Variants in SDF2 observed in about 807,000 individuals in gnomAD.
SDF2 encodes stromal cell derived factor 2, also known as stromal cell-derived factor 2.
In SDF2, 12 loss-of-function variants were observed where a neutral mutation model predicts 20.5. The ratio of observed to expected loss-of-function variants is 0.58; its 90% confidence interval spans 0.37 to 0.95. The LOEUF is 0.95. Among genes scored for constraint, SDF2 ranks in the 40% least tolerant of loss-of-function variants. SDF2 has a pLI of 0.01. For synonymous variants in SDF2, 100 were observed against 101.0 expected, an observed-to-expected ratio of 0.99 and a Z score of 0.06; for missense variants, 238 against 263.1, an observed-to-expected ratio of 0.90 and a Z score of 0.66.
intron 2 of SDF2, among the ~76,000 whole-genome samples, chr17:28,650,803 CAAAAAAAAAAAAAAAA>C (rs57928087): frequency 5.2e-5 from 1 of 19,074 alleles, no homozygotes; most frequent in Admixed American, 6.0e-4. Flanking sequence ...GACTTTGTCT[CAAAAAAAAAAAAAAAA>C]AAAAAAAAAA....
Position 28,648,776 on chromosome 17 carries a change from C to A in SDF2, c.*213G>T. On this transcript the variant is annotated 3_prime_UTR_variant, in exon 3 of 3. Transcript: ENST00000247020. ...CCCCTTTACCAGCAAGTCCTCTACT[C>A]AGAAAGAACTGACCCACGCAAGTCT... 3 of 593,754 alleles carry A rather than the reference C, an allele frequency of 5.1e-6. No individual in the cohort carries two copies. Among genetic ancestry groups the A allele is most frequent in the Middle Eastern group, 4.5e-4 (1 of 2,228 alleles). The allele number at this position is 593,754 out of a possible 1,614,324, so 36.8% of individuals were successfully genotyped here.
rs1337253060 is a variant in SDF2, at chr17:28,649,117, T to C, written c.508A>G (p.Ile170Val). 1.2e-6 allele frequency: 2 copies of C among 1,614,230 alleles called. No homozygotes were observed. Among genetic ancestry groups the C allele is most frequent in the Non-Finnish European group, 8.5e-7 (1 of 1,180,040 alleles). ...SVTGEQYGRP[I>V]SGQKEVHGMA... ...CCATGCACCTCTTTTTGCCCACTGA[T>C]AGGTCGACCATATTGTTCTCCTGTG... The change falls in exon 3 of 3, where the codon ATC becomes GTC. Residue 170 changes from isoleucine (I) to valine (V), a missense_variant. Coordinates refer to ENST00000247020, the MANE Select transcript of SDF2 (RefSeq NM_006923.4).
chr17:28,653,141 G>A (rs1160576579), intron 2 of SDF2, among the ~76,000 whole-genome samples: 1 of 152,132 alleles, frequency 6.6e-6, no homozygotes, highest in Non-Finnish European at 1.5e-5. Flanking sequence ...TCCAAAAAGT[G>A]CATGGAAAGG....
chr17:28,661,558 G>A (rs1304070803), intron 1 of SDF2, among the ~76,000 whole-genome samples, 168 bp downstream of exon 1: 1 of 152,150 alleles, frequency 6.6e-6, no homozygotes, highest in Non-Finnish European at 1.5e-5. Flanking sequence ...GTGGTGTTGC[G>A]ATTAAGATGC....
At chr17:28,661,931 A>G (rs1030019717), upstream of SDF2, 62 of 1,573,656 alleles carry the variant, frequency 3.9e-5, no homozygotes, top group Non-Finnish European at 5.3e-5. Context: ...CCCTCCCCGG[A>G]ACCGGAAGCT....
intron 2 of SDF2, among the ~76,000 whole-genome samples, chr17:28,650,474 T>C (rs1297573020): frequency 6.6e-6 from 1 of 151,416 alleles, no homozygotes; most frequent in Non-Finnish European, 1.5e-5. Context: ...CAGAATTTCT[T>C]TTTTTTTTCT....
chr17:28,659,326 C>CGAT (rs2071999151), intron 1 of SDF2, among the ~76,000 whole-genome samples: 1 of 137,034 alleles, frequency 7.3e-6, no homozygotes, highest in Non-Finnish European at 1.6e-5. Flanking sequence ...CCAGACAGGG[C>CGAT]GGCCGGGCAG....
At chr17:28,659,624 C>A (rs1488958860) in intron 1 of SDF2, among the ~76,000 whole-genome samples, 1 of 149,476 alleles carries the variant, frequency 6.7e-6, no homozygotes, top group Non-Finnish European at 1.5e-5. Context: ...GGCAGAGGCG[C>A]TCCTCACTTC....
intron 1 of SDF2, chr17:28,660,491 C>A (rs1255764068): frequency 6.6e-6 from 1 of 152,390 alleles, no homozygotes; most frequent in East Asian, 1.9e-4. Flanking sequence ...GAGCTCCGGA[C>A]TGAACCTGGT....
chr17:28,656,626 A>G (rs534196421), intron 1 of SDF2, among the ~76,000 whole-genome samples: 1 of 152,228 alleles, frequency 6.6e-6, no homozygotes, highest in South Asian at 2.1e-4. Context: ...ACGTAATACT[A>G]GTTACTATAT....
chr17:28,660,537 A>G (rs2072018676), intron 1 of SDF2: 1 of 152,350 alleles, frequency 6.6e-6, no homozygotes, highest in Non-Finnish European at 1.5e-5. Context: ...CCACCTGAAG[A>G]GCTTTTTAAA....
chr17:28,658,220 C>T (rs2071983681), intron 1 of SDF2, among the ~76,000 whole-genome samples: 1 of 149,654 alleles, frequency 6.7e-6, no homozygotes, highest in South Asian at 2.2e-4. Flanking sequence ...ATCCAAAGTT[C>T]TATGCCTGGC....
chr17:28,657,708 TTTTTATA>T (rs2071977314), intron 1 of SDF2: 1 of 151,622 alleles, frequency 6.6e-6, no homozygotes, highest in Non-Finnish European at 1.5e-5. Flanking sequence ...TAAAAAAAAA[TTTTTATA>T]TTTAAAAGAA....
intron 1 of SDF2, among the ~76,000 whole-genome samples, chr17:28,659,101 G>C (rs543353098): frequency 1.1e-3 from 145 of 136,766 alleles, no homozygotes; most frequent in Admixed American, 4.4e-3. Context: ...AAGGGCGGCC[G>C]GGCAGAGGCG....
intron 2 of SDF2, among the ~76,000 whole-genome samples, chr17:28,650,227 C>T (rs915394183): frequency 1.3e-5 from 2 of 152,022 alleles, no homozygotes; most frequent in African/African-American, 4.8e-5. Flanking sequence ...GCTGGGATTA[C>T]AGGCATGAGC....
At position 28,661,718 on chromosome 17, in the gene SDF2, A is replaced by G; in HGVS notation, c.151+8T>C. 1 of 1,608,598 alleles carries G rather than the reference A, an allele frequency of 6.2e-7. No homozygotes were observed. The highest frequency in any genetic ancestry group is 8.5e-7 in the Non-Finnish European group (1 of 1,175,566). On this transcript the variant is annotated splice_region_variant and intron_variant, in intron 1 of 2. Coordinates refer to ENST00000247020, the MANE Select transcript of SDF2 (RefSeq NM_006923.4). The stretch of plus-strand genomic sequence containing the variant: ...CCTAGCCCACCCGAGCCCGGTCCCC[A>G]GCATTACCTGACCCATAGCGCACGT...
At position 28,649,371 on chromosome 17, in the gene SDF2, TA is replaced by T. The variant is rs1261661679; in HGVS notation, c.349-96del. 4 of 1,213,884 alleles carry T rather than the reference TA, an allele frequency of 3.3e-6. No individual in the cohort carries two copies. In the African/African-American group the frequency reaches 6.0e-5, roughly 18 times the overall value. 75.2% of individuals were successfully genotyped at this position (1,213,884 alleles called of 1,614,324 possible). On this transcript the variant is annotated intron_variant, in intron 2 of 2. Coordinates refer to ENST00000247020, the MANE Select transcript of SDF2 (RefSeq NM_006923.4). Reference sequence around the variant, plus strand: ...GAAGAAAAAGAAGGCCACCTTGAAGTAAAAAATCAGAGGGGCCAGGCTTATG... The same window carrying T: ...GAAGAAAAAGAAGGCCACCTTGAAGTAAAAATCAGAGGGGCCAGGCTTATG...
chr17:28,651,529 CTTTGT>C (rs2071914830), intron 2 of SDF2: 1 of 152,188 alleles, frequency 6.6e-6, no homozygotes, highest in African/African-American at 2.4e-5. Context: ...TCCTTTGAGC[CTTTGT>C]TTTCTCCTCT....
chr17:28,652,201 AAAG>A (rs528504211), intron 2 of SDF2, among the ~76,000 whole-genome samples: 435 of 152,320 alleles, frequency 2.9e-3, no homozygotes, highest in Non-Finnish European at 5.1e-3. Flanking sequence ...AGAAAAAGAA[AAAG>A]AAAGCTCATT....
Sources: allele counts gnomAD v4.1 joint callset (sites outside exome capture counted in the v4.1 genomes callset), GRCh38; gene constraint gnomAD v4.1.1; transcripts MANE v1.5; gene names NCBI Gene and HGNC (gene_info 2026-07-23, HGNC 2026-07-21).